PDE10A: variants seen among roughly 807,000 people sequenced by gnomAD.
PDE10A encodes cAMP and cAMP-inhibited cGMP 3',5'-cyclic phosphodiesterase 10A.
A neutral mutation model predicts 97.7 loss-of-function variants in PDE10A; 39 were observed. That is an observed-to-expected ratio of 0.40 (90% CI 0.31 to 0.52). The LOEUF (loss-of-function observed/expected upper bound fraction) is 0.52, where lower values mean the gene tolerates loss of function less well. Among genes scored for constraint, PDE10A ranks in the 20% least tolerant of loss-of-function variants. PDE10A has a pLI of 0.56. For synonymous variants in PDE10A, 371 were observed against 376.8 expected, an observed-to-expected ratio of 0.98 and a Z score of 0.18; for missense variants, 731 against 1,047.8, an observed-to-expected ratio of 0.70 and a Z score of 4.17.
In PDE10A at chr6:165,332,479, G is replaced by A. The variant is rs566464268; in HGVS notation, c.*546C>T. ...ACGTTTTGCCATCATTTCTTACTCTGTAACCTCAACGACATTTGTCCTGAG... is the reference window on the plus strand; with the variant it reads ...ACGTTTTGCCATCATTTCTTACTCTATAACCTCAACGACATTTGTCCTGAG... On this transcript the variant is annotated 3_prime_UTR_variant, in exon 22 of 22. Coordinates refer to ENST00000539869, the MANE Select transcript of PDE10A (RefSeq NM_001385079.1). The A allele has an allele frequency of 1.3e-5, 2 of 152,316 alleles. No homozygotes were observed. Among genetic ancestry groups the A allele is most frequent in the African/African-American group, 4.8e-5 (2 of 41,566 alleles). 9.4% of individuals were successfully genotyped at this position (152,316 alleles called of 1,614,324 possible).
At chr6:165,581,021 T>C (rs1785588801) in intron 1 of PDE10A, among the ~76,000 whole-genome samples, 2 of 152,358 alleles carry the variant, frequency 1.3e-5, no homozygotes, top group South Asian at 4.1e-4. Context: ...TTTTAGCACA[T>C]TAAGTTAGAA....
At chr6:165,496,792 G>T (rs529887241) in intron 2 of PDE10A, among the ~76,000 whole-genome samples, 2 of 152,298 alleles carry the variant, frequency 1.3e-5, no homozygotes, top group East Asian at 1.9e-4. Flanking sequence ...GTGCTAAAAT[G>T]CTAGAAATCG....
At chr6:165,971,418 A>T (rs182223401) in intron 1 of PDE10A, among the ~76,000 whole-genome samples, 50 of 152,298 alleles carry the variant, frequency 3.3e-4, no homozygotes, top group Admixed American at 2.9e-3. Flanking sequence ...CTCATGCCAC[A>T]CCTTCTTACC....
intron 1 of PDE10A, among the ~76,000 whole-genome samples, chr6:165,582,332 A>G (rs1027572799): frequency 6.6e-6 from 1 of 152,304 alleles, no homozygotes; most frequent in African/African-American, 2.4e-5. Context: ...GTCACAACCA[A>G]TGGAAAAATA....
At chr6:165,774,264 A>C (rs1481114663) in intron 1 of PDE10A, among the ~76,000 whole-genome samples, 2 of 152,112 alleles carry the variant, frequency 1.3e-5, no homozygotes, top group South Asian at 4.1e-4. Flanking sequence ...CCATTCTGAA[A>C]ATGGCTATTA....
At chr6:165,694,303 G>GCAGTGGCC (rs1791386104) in intron 1 of PDE10A, among the ~76,000 whole-genome samples, 2 of 152,312 alleles carry the variant, frequency 1.3e-5, no homozygotes, top group South Asian at 4.1e-4. Context: ...ACGTTTAACT[G>GCAGTGGCC]CAGTGGCCAC....
At chr6:165,732,704 G>A (rs1252208201) in intron 1 of PDE10A, among the ~76,000 whole-genome samples, 3 of 152,210 alleles carry the variant, frequency 2.0e-5, no homozygotes. Context: ...AGCAGAAAAT[G>A]TTATTCCCTA....
intron 1 of PDE10A, chr6:165,782,068 A>T (rs562022419): frequency 6.6e-6 from 1 of 152,374 alleles, no homozygotes; most frequent in East Asian, 1.9e-4. Context: ...GAATGAATGT[A>T]GTTGATTTAC....
chr6:165,650,788 A>G (rs2128425240), intron 1 of PDE10A, among the ~76,000 whole-genome samples: 1 of 150,998 alleles, frequency 6.6e-6, no homozygotes, highest in Admixed American at 6.6e-5. Context: ...GCCAGGTTGG[A>G]GTGCAGTGGT....
chr6:165,593,242 T>A (rs1182358538), intron 1 of PDE10A, among the ~76,000 whole-genome samples: 1 of 152,076 alleles, frequency 6.6e-6, no homozygotes, highest in Non-Finnish European at 1.5e-5. Context: ...AGGTGGGAAC[T>A]GAACAATGAG....
intron 3 of PDE10A, among the ~76,000 whole-genome samples, chr6:165,464,608 C>T (rs1778525544): frequency 1.3e-5 from 2 of 152,108 alleles, no homozygotes; most frequent in African/African-American, 4.8e-5. Flanking sequence ...TACATCCTAC[C>T]AAGAAAGAAC....
intron 1 of PDE10A, among the ~76,000 whole-genome samples, chr6:165,741,288 TAAAG>T (rs1032669050): frequency 1.3e-5 from 2 of 152,202 alleles, no homozygotes; most frequent in Middle Eastern, 3.4e-3. Context: ...TGACAGAAAA[TAAAG>T]AAACTGGATA....
chr6:165,619,500 T>C (rs1378741448), intron 1 of PDE10A, among the ~76,000 whole-genome samples: 1 of 43,208 alleles, frequency 2.3e-5, no homozygotes, highest in African/African-American at 8.4e-5. Context: ...TAGTGTAGTC[T>C]AGTGTAGTGT....
chr6:165,912,402 A>T (rs902523620), intron 1 of PDE10A, among the ~76,000 whole-genome samples: 19 of 152,280 alleles, frequency 1.2e-4, no homozygotes, highest in African/African-American at 4.3e-4. Flanking sequence ...GAGGGAAAGA[A>T]TCCAAGTCTT....
At chr6:165,530,464 G>A (rs1409809791) in intron 2 of PDE10A, among the ~76,000 whole-genome samples, 1 of 151,782 alleles carries the variant, frequency 6.6e-6, no homozygotes, top group Non-Finnish European at 1.5e-5. Context: ...CACATTAAAA[G>A]TGGGCAAATG....
intron 3 of PDE10A, among the ~76,000 whole-genome samples, chr6:165,469,746 CT>C (rs1198831673): frequency 6.6e-6 from 1 of 152,086 alleles, no homozygotes; most frequent in Non-Finnish European, 1.5e-5. Flanking sequence ...TTCACTTTAC[CT>C]TACTGGAACA....
chr6:165,838,718 C>T lies in PDE10A; in HGVS notation c.-615+148811G>A, dbSNP rs537826556. On this transcript the variant is annotated intron_variant, in intron 1 of 19. Transcript: ENST00000366882. ...AATTCCAGCTGTGACTTCCTACCTG[C>T]GAGATCTCAGGCAAATCACTGAAAC... Among the ~76,000 whole-genome samples, 44 of 152,332 alleles carry T rather than the reference C, an allele frequency of 2.9e-4. No homozygotes were observed. In the East Asian group the frequency reaches 5.2e-3, roughly 18 times the overall value.
At chr6:165,850,389 A>G (rs950998705) in intron 1 of PDE10A, among the ~76,000 whole-genome samples, 1 of 152,234 alleles carries the variant, frequency 6.6e-6, no homozygotes, top group Non-Finnish European at 1.5e-5. Context: ...ACACATTTGT[A>G]GAACAGAAAT....
At chr6:165,605,454 TCA>T (rs961613036) in intron 1 of PDE10A, among the ~76,000 whole-genome samples, 58 of 152,248 alleles carry the variant, frequency 3.8e-4, no homozygotes, top group Non-Finnish European at 5.4e-4. Context: ...TCCCAATGTT[TCA>T]CAGTTTGTTC....
Sources: allele counts gnomAD v4.1 joint callset (sites outside exome capture counted in the v4.1 genomes callset), GRCh38; gene constraint gnomAD v4.1.1; transcripts MANE v1.5; gene names NCBI Gene and HGNC (gene_info 2026-07-23, HGNC 2026-07-21).